GRAMD2B: variants seen among roughly 807,000 people sequenced by gnomAD.
The protein encoded by GRAMD2B is GRAM domain containing 2B.
In GRAMD2B, 41 loss-of-function variants were observed where a neutral mutation model predicts 59.2. The ratio of observed to expected loss-of-function variants is 0.69; its 90% CI spans 0.54 to 0.90. The LOEUF (loss-of-function observed/expected upper bound fraction) is 0.90, where lower values mean the gene tolerates loss of function less well. Among genes scored for constraint, GRAMD2B ranks in the 40% least tolerant of loss-of-function variants. The pLI is 0.00. For missense variants in GRAMD2B, 424 were observed against 500.5 expected, an observed-to-expected ratio of 0.85 and a Z score of 1.46; for synonymous variants, 161 against 182.7, an observed-to-expected ratio of 0.88 and a Z score of 0.96.
intron 1 of GRAMD2B, among the ~76,000 whole-genome samples, chr5:126,438,469 G>T (rs1762767151): frequency 6.6e-6 from 1 of 152,124 alleles, no homozygotes; most frequent in South Asian, 2.1e-4. Flanking sequence ...TAGAGGTCTG[G>T]GAAAGAAATG....
chr5:126,427,759 T>G (rs1405012795), intron 1 of GRAMD2B, among the ~76,000 whole-genome samples: 2 of 152,184 alleles, frequency 1.3e-5, no homozygotes, highest in African/African-American at 2.4e-5. Context: ...AGAACACAGA[T>G]TGAAGTTGGG....
At chr5:126,438,809 T>TA (rs1346213879) in intron 1 of GRAMD2B, among the ~76,000 whole-genome samples, 1 of 152,094 alleles carries the variant, frequency 6.6e-6, no homozygotes, top group Non-Finnish European at 1.5e-5. Context: ...AACAATCACA[T>TA]ATATGGCCTG....
intron 1 of GRAMD2B, among the ~76,000 whole-genome samples, chr5:126,445,301 T>G (rs1310916519): frequency 6.6e-6 from 1 of 152,226 alleles, no homozygotes; most frequent in Admixed American, 6.5e-5. Flanking sequence ...TGAACTAATT[T>G]ACACTCCCAC....
chr5:126,469,584 G>A (rs1049410396), intron 2 of GRAMD2B, 93 bp from the exon 3 acceptor site: 14 of 813,346 alleles, frequency 1.7e-5, no homozygotes, highest in East Asian at 4.9e-5. Flanking sequence ...GCAGTGAACC[G>A]TGATCATGCT....
intron 1 of GRAMD2B, among the ~76,000 whole-genome samples, chr5:126,418,003 G>T (rs932380108): frequency 6.6e-6 from 1 of 152,170 alleles, no homozygotes; most frequent in African/African-American, 2.4e-5. Context: ...TGTGTGGCAG[G>T]CCAAATAGAA....
At chr5:126,389,899 G>A (rs957679252) in intron 1 of GRAMD2B, among the ~76,000 whole-genome samples, 1 of 152,090 alleles carries the variant, frequency 6.6e-6, no homozygotes, top group Non-Finnish European at 1.5e-5. Flanking sequence ...AGTGAGCCAA[G>A]ATCATGCCAC....
In GRAMD2B at chr5:126,492,484, G is replaced by C. The variant is rs184796149; in HGVS notation, c.1258-431G>C. On this transcript the variant is annotated intron_variant, in intron 13 of 13. Transcript: ENST00000285689. ...ACCTGTAATCTCAACACTTTGGGAG[G>C]CTGAGACAGGAGGATCACTTGAGCC... 4.4e-3 allele frequency among the ~76,000 whole-genome samples: 671 copies of C among 152,018 alleles called. 3 individuals are homozygous for C. Among genetic ancestry groups the C allele is most frequent in the Non-Finnish European group, 7.9e-3 (537 of 67,990 alleles).
intron 1 of GRAMD2B, among the ~76,000 whole-genome samples, chr5:126,443,926 C>T (rs1763732520): frequency 1.3e-5 from 2 of 152,072 alleles, no homozygotes. Context: ...GTGGTGGGCG[C>T]CTGTAATCCC....
At chr5:126,406,428 C>T (rs1016164842) in intron 1 of GRAMD2B, among the ~76,000 whole-genome samples, 3 of 151,682 alleles carry the variant, frequency 2.0e-5, no homozygotes, top group African/African-American at 7.3e-5. Context: ...CAAGCATACA[C>T]TCAATTTTTA....
At chr5:126,491,325 C>G (rs1398725270) in intron 13 of GRAMD2B, among the ~76,000 whole-genome samples, 2 of 152,166 alleles carry the variant, frequency 1.3e-5, no homozygotes, top group East Asian at 3.8e-4. Context: ...AAAGCAATGT[C>G]TCTTACGGGA....
chr5:126,461,611 C>A (rs1019886723), intron 1 of GRAMD2B, among the ~76,000 whole-genome samples: 2 of 152,042 alleles, frequency 1.3e-5, no homozygotes, highest in African/African-American at 4.8e-5. Context: ...ACCAGCCTGG[C>A]CAACACAGCG....
chr5:126,423,963 A>T (rs920364722), intron 1 of GRAMD2B, among the ~76,000 whole-genome samples: 3 of 152,246 alleles, frequency 2.0e-5, no homozygotes, highest in Non-Finnish European at 2.9e-5. Context: ...TGTAGAAAAT[A>T]AGCCTAACCA....
At chr5:126,475,222 C>T (rs1485804916) in intron 5 of GRAMD2B, among the ~76,000 whole-genome samples, 1 of 152,196 alleles carries the variant, frequency 6.6e-6, no homozygotes, top group Non-Finnish European at 1.5e-5. Flanking sequence ...GCATGTATCA[C>T]ATTCTGTCTA....
intron 1 of GRAMD2B, among the ~76,000 whole-genome samples, chr5:126,436,594 G>T (rs1395791777): frequency 6.6e-6 from 1 of 152,208 alleles, no homozygotes; most frequent in Non-Finnish European, 1.5e-5. Flanking sequence ...CAAAGCTGTT[G>T]TGAGCTCTTA....
intron 1 of GRAMD2B, among the ~76,000 whole-genome samples, chr5:126,436,278 AT>A (rs1561519022): frequency 6.6e-6 from 1 of 152,154 alleles, no homozygotes; most frequent in Non-Finnish European, 1.5e-5. Flanking sequence ...TTTAATGCAC[AT>A]TTTTTGAGGA....
chr5:126,378,248 CTTCTT>C (rs1014863156), intron 1 of GRAMD2B, among the ~76,000 whole-genome samples: 1 of 152,006 alleles, frequency 6.6e-6, no homozygotes, highest in Non-Finnish European at 1.5e-5. Context: ...ACTAAACCAC[CTTCTT>C]TTCTGTTTAC....
chr5:126,456,735 T>C (rs1368692563), intron 1 of GRAMD2B, among the ~76,000 whole-genome samples: 1 of 152,244 alleles, frequency 6.6e-6, no homozygotes, highest in Non-Finnish European at 1.5e-5. Flanking sequence ...TATTGCCTCT[T>C]TTAAGTAATA....
At chr5:126,426,984 T>C (rs1760722116) in intron 1 of GRAMD2B, among the ~76,000 whole-genome samples, 1 of 152,232 alleles carries the variant, frequency 6.6e-6, no homozygotes, top group Non-Finnish European at 1.5e-5. Flanking sequence ...CCTAATTTTC[T>C]CCACTTTTAT....
intron 1 of GRAMD2B, chr5:126,445,531 A>T (rs1345045038): frequency 6.6e-6 from 1 of 151,638 alleles, no homozygotes; most frequent in African/African-American, 2.4e-5. Flanking sequence ...CAAAGTATTG[A>T]CGGGCCAGAG....
Sources: gnomAD v4.1 joint callset for allele counts (sites outside exome capture counted in the v4.1 genomes callset) on GRCh38, gnomAD v4.1.1 for gene constraint, MANE v1.5 for transcripts, NCBI Gene and HGNC (gene_info 2026-07-23, HGNC 2026-07-21) for gene names.